Variants in CCT2 observed in about 807,000 individuals in gnomAD.
CCT2 encodes chaperonin containing TCP1 subunit 2.
A neutral mutation model predicts 61.8 loss-of-function variants in CCT2; 18 were observed. The ratio of observed to expected loss-of-function variants is 0.29; its 90% CI spans 0.20 to 0.43. CCT2 has a LOEUF of 0.43. Among genes scored for constraint, CCT2 ranks in the 20% least tolerant of loss-of-function variants. The pLI, the probability that CCT2 is intolerant of heterozygous loss-of-function variation, is 1.00. For missense variants in CCT2, 556 were observed against 656.9 expected (o/e 0.85, Z 1.68); for synonymous variants, 248 against 215.9 (o/e 1.15, Z -1.30).
intron 8 of CCT2, 47 bp downstream of exon 8, chr12:69,592,206 G>A (rs1389345519): frequency 1.8e-6 from 2 of 1,088,468 alleles, no homozygotes; most frequent in South Asian, 2.7e-5. Flanking sequence ...CCCAGGCAGA[G>A]TGGCTCATGC....
intron 15 of CCT2, 52 bp downstream of exon 15, chr12:69,600,056 G>T (rs1257419057): frequency 6.8e-7 from 1 of 1,478,414 alleles, no homozygotes; most frequent in African/African-American, 1.4e-5. Flanking sequence ...ACAAAATAGG[G>T]AGCTGTATTT....
At chr12:69,592,548 C>T (rs1328995615) in intron 8 of CCT2, 1 of 176,202 alleles carries the variant, frequency 5.7e-6, no homozygotes, top group East Asian at 1.5e-4. Context: ...CACTAAAAAG[C>T]TTGGAATAGG....
At chr12:69,589,430 T>A in intron 6 of CCT2, 55 bp from the exon 7 acceptor site, 1 of 1,302,596 alleles carries the variant, frequency 7.7e-7, no homozygotes, top group Non-Finnish European at 1.1e-6. Context: ...AATATCTAGA[T>A]AAATTTTGAA....
intron 7 of CCT2, among the ~76,000 whole-genome samples, chr12:69,591,618 C>A (rs570182943): frequency 1.3e-5 from 2 of 152,168 alleles, no homozygotes; most frequent in Non-Finnish European, 1.5e-5. Context: ...TTTCAAAATA[C>A]TGTTTAATTT....
At chr12:69,596,703 G>C (rs1321159115) in intron 10 of CCT2, among the ~76,000 whole-genome samples, 1 of 152,122 alleles carries the variant, frequency 6.6e-6, no homozygotes, top group African/African-American at 2.4e-5. Flanking sequence ...TCTTGTGCTG[G>C]GAATTGTATC....
In CCT2 at chr12:69,586,777, A is replaced by G; in HGVS notation, c.103A>G (p.Ile35Val). 6.2e-7 allele frequency: 1 copy of G among 1,601,896 alleles called. No individual in the cohort carries two copies. The highest frequency in any genetic ancestry group is 1.1e-5 in the South Asian group (1 of 87,934). Residue 35 changes from isoleucine to valine, a missense_variant, in exon 3 of 16, where the codon ATT becomes GTT. Transcript: ENST00000299300. Reference protein sequence around the residue: ...RLTSFIGAIAIGDLVKSTLGP... With the variant: ...RLTSFIGAIAVGDLVKSTLGP... ...GACTTCTTTTATTGGTGCCATCGCC[A>G]TTGGAGACTTGGTAAAGAGCACCTT...
Position 69,601,420 on chromosome 12 carries a change from G to C in CCT2, c.*95G>C. The C allele has an allele frequency of 6.2e-7, 1 of 1,610,176 alleles. No individual in the cohort carries two copies. ...AGAAGACTGTGGAATCTGTTTATCGGTGCCCATTATATCCTTAAGTTTGGA... is the reference window on the plus strand; with the variant it reads ...AGAAGACTGTGGAATCTGTTTATCGCTGCCCATTATATCCTTAAGTTTGGA... On this transcript the variant is annotated 3_prime_UTR_variant, in exon 16 of 16. Coordinates refer to ENST00000299300, the MANE Select transcript of CCT2 (RefSeq NM_006431.3).
At position 69,585,893 on chromosome 12, in the gene CCT2, C is replaced by T. The variant is rs542025145; in HGVS notation, c.3+369C>T. On this transcript the variant is annotated intron_variant, in intron 1 of 15. Transcript: ENST00000299300. ...CCATCAGAGGGTGGAGGGGCCGCAG[C>T]CTTCCGAGGGTGGAAGATGGAGGCC... 4.7e-6 allele frequency: 6 copies of T among 1,278,216 alleles called. No homozygotes were observed. In the African/African-American group the frequency reaches 9.1e-5, roughly 19 times the overall value. 79.2% of individuals were successfully genotyped at this position (1,278,216 alleles called of 1,614,324 possible).
In CCT2 at chr12:69,597,139, C is replaced by A. The variant is rs780902943; in HGVS notation, c.983-17C>A. 1.2e-6 allele frequency: 2 copies of A among 1,610,332 alleles called. No homozygotes were observed. Among genetic ancestry groups the A allele is most frequent in the East Asian group, 4.5e-5 (2 of 44,802 alleles). ...AAGCCTGCTGTGCATTTAACTAATA[C>A]ATGTTTATGTTTATAGGTGGTGAAA... On this transcript the variant is annotated splice_polypyrimidine_tract_variant and intron_variant, in intron 10 of 15. Transcript: ENST00000299300.
chr12:69,589,277 C>T (rs1881762963), intron 6 of CCT2: 1 of 515,090 alleles, frequency 1.9e-6, no homozygotes, highest in South Asian at 2.2e-5. Flanking sequence ...GTGGCCCCCA[C>T]CCCTCTTTTT....
In CCT2 at chr12:69,601,335, C is replaced by T. The variant is rs372245852; in HGVS notation, c.*10C>T. On this transcript the variant is annotated 3_prime_UTR_variant, in exon 16 of 16. Transcript: ENST00000299300. ...TCACCACCCCTGTTAAGCATTCCCA[C>T]GTGCTGTCGATCTTTGGACCAGTTT... The T allele has an allele frequency of 4.3e-5, 69 of 1,613,658 alleles. No homozygotes were observed. Among genetic ancestry groups the T allele is most frequent in the East Asian group, 1.3e-4 (6 of 44,880 alleles).
intron 9 of CCT2, 127 bp downstream of exon 9, chr12:69,593,230 T>A: frequency 1.2e-6 from 1 of 839,874 alleles, no homozygotes; most frequent in Non-Finnish European, 1.8e-6. Context: ...AATTATGGAT[T>A]TTTGTAATCA....
intron 15 of CCT2, 145 bp from the exon 16 acceptor site, chr12:69,601,150 G>C: frequency 1.5e-6 from 1 of 654,842 alleles, no homozygotes; most frequent in Non-Finnish European, 2.6e-6. Flanking sequence ...TTCAATGTGA[G>C]TGTTATAGGG....
chr12:69,597,346 G>A (rs540447182), intron 11 of CCT2, 71 bp downstream of exon 11: 1 of 1,529,820 alleles, frequency 6.5e-7, no homozygotes, highest in East Asian at 2.3e-5. Flanking sequence ...AAAGGTTATT[G>A]TAGTTACTAG....
chr12:69,598,157 C>A (rs976670092), intron 13 of CCT2, 86 bp downstream of exon 13: 2 of 1,084,596 alleles, frequency 1.8e-6, no homozygotes, highest in Non-Finnish European at 2.7e-6. Context: ...CTGGTTAATA[C>A]TGCTTTTAAA....
chr12:69,601,471 T>C lies in CCT2; in HGVS notation c.*146T>C. On this transcript the variant is annotated 3_prime_UTR_variant, in exon 16 of 16. Transcript: ENST00000299300. ...TATTTAGCTGACCTTCGCTTTAACATAGGTCTAATTTATTTGCCGTGTCAT... is the reference window on the plus strand; with the variant it reads ...TATTTAGCTGACCTTCGCTTTAACACAGGTCTAATTTATTTGCCGTGTCAT... 1 of 1,531,022 alleles carries C rather than the reference T, an allele frequency of 6.5e-7. No individual in the cohort carries two copies. Among genetic ancestry groups the C allele is most frequent in the Non-Finnish European group, 8.8e-7 (1 of 1,140,048 alleles). The allele number at this position is 1,531,022 out of a possible 1,614,324, so 94.8% of individuals were successfully genotyped here. A position where few individuals can be genotyped will look rare whatever the true frequency, so the allele number is the denominator to read the frequency against.
At chr12:69,589,869 C>G in intron 7 of CCT2, 182 bp downstream of exon 7, 2 of 594,168 alleles carry the variant, frequency 3.4e-6, no homozygotes, top group South Asian at 4.1e-5. Context: ...CGCGCTATTC[C>G]AGCATTGTTG....
At chr12:69,595,475 G>A (rs540366155) in intron 10 of CCT2, among the ~76,000 whole-genome samples, 2 of 152,226 alleles carry the variant, frequency 1.3e-5, no homozygotes, top group Admixed American at 1.3e-4. Context: ...AGATCACAAG[G>A]TCTGGAGTTT....
At chr12:69,597,049 TA>T in intron 10 of CCT2, 106 bp from the exon 11 acceptor site, 1 of 977,870 alleles carries the variant, frequency 1.0e-6, no homozygotes. Context: ...AATCAATTTT[TA>T]AAATGTGAAA....
Sources: gnomAD v4.1 joint callset for allele counts (sites outside exome capture counted in the v4.1 genomes callset) on GRCh38, gnomAD v4.1.1 for gene constraint, MANE v1.5 for transcripts, NCBI Gene and HGNC (gene_info 2026-07-23, HGNC 2026-07-21) for gene names.